NUP133: variants seen among roughly 807,000 people sequenced by gnomAD.
The protein encoded by NUP133 is nuclear pore complex protein Nup133.
NUP133 carries 66 observed loss-of-function variants against 146.2 expected under a neutral mutation model. That is an observed-to-expected ratio of 0.45 (90% CI 0.37 to 0.55). The LOEUF (loss-of-function observed/expected upper bound fraction) is 0.55. Ranked by LOEUF, NUP133 falls within the 20% of genes least tolerant of loss-of-function variation. The probability of loss-of-function intolerance (pLI) is 0.00; values close to 1 mark genes in which losing one functional copy is unlikely to be tolerated. For synonymous variants in NUP133, 521 were observed against 498.8 expected, an observed-to-expected ratio of 1.04 and a Z score of -0.59; for missense variants, 1,277 against 1,374.8, an observed-to-expected ratio of 0.93 and a Z score of 1.12.
At chr1:229,492,680 C>A (rs1280202455) in intron 8 of NUP133, among the ~76,000 whole-genome samples, 2 of 151,886 alleles carry the variant, frequency 1.3e-5, no homozygotes, top group African/African-American at 4.8e-5. Flanking sequence ...AACCAAATAT[C>A]ATATGTTCTC....
chr1:229,498,310 T>A lies in NUP133; in HGVS notation c.649-4A>T. 3.2e-6 allele frequency: 5 copies of A among 1,563,288 alleles called. No homozygotes were observed. Among genetic ancestry groups the A allele is most frequent in the Non-Finnish European group, 4.3e-6 (5 of 1,161,160 alleles). On this transcript the variant is annotated splice_polypyrimidine_tract_variant and splice_region_variant and intron_variant, in intron 5 of 25. Transcript: ENST00000261396. ...AAGACAAAATAAAACTTCCTCCCTG[T>A]GAAAAAACATTATGAGGTTAGTTCA...
At chr1:229,496,821 TTAAAAATAAA>T (rs935800235) in intron 6 of NUP133, among the ~76,000 whole-genome samples, 3 of 152,022 alleles carry the variant, frequency 2.0e-5, no homozygotes, top group African/African-American at 7.3e-5. Context: ...GTCTCTATTT[TTAAAAATAAA>T]TAAAAATAAA....
At position 229,441,076 on chromosome 1, in the gene NUP133, A is replaced by C; in HGVS notation, c.*828T>G. On this transcript the variant is annotated 3_prime_UTR_variant, in exon 26 of 26. Transcript: ENST00000261396. ...GGTCAGGACAAAGCTCTGAGAGTAC[A>C]GTACCTTTCAGTCACATCAATTGCC... is the stretch of plus-strand genomic sequence containing the variant. 1 of 238,336 alleles carries C rather than the reference A, an allele frequency of 4.2e-6. No individual in the cohort carries two copies. The highest frequency in any genetic ancestry group is 5.7e-5 in the South Asian group (1 of 17,542). The allele number at this position is 238,336 out of a possible 1,614,324, so 14.8% of individuals were successfully genotyped here.
At chr1:229,496,248 T>C (rs538994943) in intron 6 of NUP133, among the ~76,000 whole-genome samples, 66 of 151,988 alleles carry the variant, frequency 4.3e-4, no homozygotes, top group African/African-American at 1.1e-3. Context: ...CCGAGACAGG[T>C]GGATTGCCTG....
chr1:229,462,952 C>T (rs1660725734), intron 19 of NUP133, among the ~76,000 whole-genome samples: 2 of 152,162 alleles, frequency 1.3e-5, no homozygotes, highest in South Asian at 4.1e-4. Flanking sequence ...GTCTTCTATG[C>T]TCCCGAGTAT....
rs1391537145 is a variant in NUP133, at chr1:229,458,232, A to G, written c.2909T>C (p.Leu970Pro). ...ETRYFAKKKT[L>P]LGLSKLAALA... Reference sequence around the variant, plus strand: ...TGCAGCCAATTTACTCAAGCCAAGAAGGGTTTTCTTCTTTGCAAAGTAACG... The same window carrying G: ...TGCAGCCAATTTACTCAAGCCAAGAGGGGTTTTCTTCTTTGCAAAGTAACG... Residue 970 changes from leucine to proline, a missense_variant, in exon 21 of 26, where the codon CTT (leucine) becomes CCT (proline). Around this residue, in one of 3 missense-constraint regions of NUP133, gnomAD observed 952 missense variants for 1,047.0 expected, o/e 0.91. Coordinates refer to ENST00000261396, the MANE Select transcript of NUP133 (RefSeq NM_018230.3). 6.2e-7 allele frequency: 1 copy of G among 1,613,768 alleles called. No homozygotes were observed. The highest frequency in any genetic ancestry group is 2.2e-5 in the East Asian group (1 of 44,832).
chr1:229,449,873 A>ATATATATATTT (rs1261799272), intron 23 of NUP133, among the ~76,000 whole-genome samples: 1 of 85,800 alleles, frequency 1.2e-5, no homozygotes, highest in African/African-American at 5.1e-5. Flanking sequence ...ATATATATAT[A>ATATATATATTT]TTTTTTTTTT....
At position 229,499,899 on chromosome 1, in the gene NUP133, G is replaced by T. The variant is rs578213964; in HGVS notation, c.514-81C>A. ...AGCAGTCTGATGGCAATGATACAAA[G>T]AAACAGGACAATTTACTATTTGATC... On this transcript the variant is annotated intron_variant, in intron 4 of 25. Transcript: ENST00000261396. The T allele has an allele frequency of 5.8e-4, 842 of 1,462,692 alleles. 6 individuals are homozygous for T. In the African/African-American group the frequency reaches 0.011, roughly 19 times the overall value. The allele number at this position is 1,462,692 out of a possible 1,614,324, so 90.6% of individuals were successfully genotyped here. A position where few individuals can be genotyped will look rare whatever the true frequency, so the allele number is the denominator to read the frequency against.
At chr1:229,453,235 G>A (rs1571908157) in intron 21 of NUP133, among the ~76,000 whole-genome samples, 1 of 152,262 alleles carries the variant, frequency 6.6e-6, no homozygotes, top group East Asian at 1.9e-4. Context: ...CTTAACTGCT[G>A]CTGCCAGCTT....
chr1:229,459,676 T>C (rs1255402181), intron 20 of NUP133, among the ~76,000 whole-genome samples: 4 of 152,220 alleles, frequency 2.6e-5, no homozygotes, highest in Non-Finnish European at 5.9e-5. Context: ...ATCAATGCTG[T>C]TGCAAATGAG....
rs780291065 is a variant in NUP133, at chr1:229,465,529, A to AT, written c.2200-11_2200-10insA. The AT allele has an allele frequency of 7.5e-6, 12 of 1,598,104 alleles. No homozygotes were observed. In the East Asian group the frequency reaches 2.5e-4, roughly 33 times the overall value. Reference sequence around the variant, plus strand: ...CAGCCTGCAGCATATCCTGGAAAAAAAGTTAATGTGTTATCACATGCAAAA... The same window carrying AT: ...CAGCCTGCAGCATATCCTGGAAAAAATAGTTAATGTGTTATCACATGCAAAA... On this transcript the variant is annotated splice_polypyrimidine_tract_variant and intron_variant, in intron 16 of 25. Transcript: ENST00000261396.
intron 16 of NUP133, among the ~76,000 whole-genome samples, chr1:229,466,389 G>A (rs866277265): frequency 6.6e-6 from 1 of 151,940 alleles, no homozygotes; most frequent in Non-Finnish European, 1.5e-5. Flanking sequence ...CCAAATGAAA[G>A]GTTTATTATT....
Position 229,460,648 on chromosome 1 carries a change from C to A in NUP133, c.2807G>T (p.Ser936Ile). 6.2e-7 allele frequency: 1 copy of A among 1,614,036 alleles called. No homozygotes were observed. The highest frequency in any genetic ancestry group is 8.5e-7 in the Non-Finnish European group (1 of 1,179,992). The part of the protein sequence containing the change: ...ANFLQAHEHL[S>I]WLHEINSQEL... ...TTGGCTATTAATTTCATGTAACCAGCTGAGATGTTCATGAGCTTGCAAAAA... is the reference window on the plus strand; with the variant it reads ...TTGGCTATTAATTTCATGTAACCAGATGAGATGTTCATGAGCTTGCAAAAA... The change falls in exon 20 of 26, where the codon AGC becomes ATC. Residue 936 changes from serine to isoleucine, a missense_variant. By Grantham distance (142) the Ser-to-Ile change is moderately radical. This residue lies in a region of NUP133 where 952 missense variants were observed against 1,047.0 expected (regional missense o/e 0.91). Coordinates refer to ENST00000261396, the MANE Select transcript of NUP133 (RefSeq NM_018230.3).
chr1:229,452,452 A>T, intron 22 of NUP133, 73 bp downstream of exon 22: 1 of 1,170,296 alleles, frequency 8.5e-7, no homozygotes, highest in Non-Finnish European at 1.2e-6. Context: ...TAGGAACTAT[A>T]CTACATGGCC....
chr1:229,489,897 T>C, intron 9 of NUP133, 58 bp downstream of exon 9: 1 of 1,417,920 alleles, frequency 7.1e-7, no homozygotes, highest in South Asian at 1.6e-5. Context: ...GACCCTGAAA[T>C]GGTTAGAAAA....
At chr1:229,463,172 T>C (rs1183192207) in intron 19 of NUP133, among the ~76,000 whole-genome samples, 3 of 152,138 alleles carry the variant, frequency 2.0e-5, no homozygotes, top group African/African-American at 7.2e-5. Context: ...GAGGATCGCT[T>C]GAGCCCAGGA....
chr1:229,498,763 G>GA (rs536811534), intron 5 of NUP133, among the ~76,000 whole-genome samples: 2,939 of 96,156 alleles, frequency 0.031, 73 homozygotes, highest in African/African-American at 0.09. Flanking sequence ...CTCGAAAAAA[G>GA]AAAAAAAAAA....
In NUP133 at chr1:229,508,206, G is replaced by GACCCGGT; in HGVS notation, c.37_43dup (p.Ser15TyrfsTer21). The GACCCGGT allele has an allele frequency of 6.4e-7, 1 of 1,562,450 alleles. No individual in the cohort carries two copies. Among genetic ancestry groups the GACCCGGT allele is most frequent in the Non-Finnish European group, 8.6e-7 (1 of 1,156,894 alleles). On this transcript the variant is annotated frameshift_variant, in exon 1 of 26. Coordinates refer to ENST00000261396, the MANE Select transcript of NUP133 (RefSeq NM_018230.3). LOFTEE classifies it high-confidence loss of function. ...GAGTCCGGCCAGCGGGCCCCTTCGG[G>GACCCGGT]ACCCGGTACCCGGGGTCCGCGGAGA...
chr1:229,502,715 T>A (rs1012414741), intron 2 of NUP133, among the ~76,000 whole-genome samples: 4 of 151,468 alleles, frequency 2.6e-5, no homozygotes, highest in African/African-American at 9.7e-5. Context: ...TGGCTCATGC[T>A]TATAAATCCC....
Sources: gnomAD v4.1 joint callset for allele counts (sites outside exome capture counted in the v4.1 genomes callset) on GRCh38, gnomAD v4.1.1 for gene constraint, gnomAD v4.1.1 regional missense constraint, MANE v1.5 for transcripts, NCBI Gene and HGNC (gene_info 2026-07-23, HGNC 2026-07-21) for gene names.